EIF4G3: variants seen among roughly 807,000 people sequenced by gnomAD.
EIF4G3 encodes eukaryotic translation initiation factor 4 gamma 3.
EIF4G3 carries 34 observed loss-of-function variants against 186.4 expected under a neutral mutation model. The ratio of observed to expected loss-of-function variants is 0.18; its 90% CI spans 0.14 to 0.24. EIF4G3 has a LOEUF of 0.24. EIF4G3 is among the 10% of genes least tolerant of loss of function. The pLI is 1.00. For missense variants in EIF4G3, 1,536 were observed against 1,948.5 expected (o/e 0.79, Z 3.99); for synonymous variants, 673 against 679.5 (o/e 0.99, Z 0.15).
chr1:21,163,528 T>C (rs1382070203), intron 2 of EIF4G3, among the ~76,000 whole-genome samples: 1 of 152,172 alleles, frequency 6.6e-6, no homozygotes, highest in Admixed American at 6.5e-5. Flanking sequence ...ACATGCATAA[T>C]AATTTAAAAC....
intron 4 of EIF4G3, among the ~76,000 whole-genome samples, chr1:21,023,912 C>T (rs1324958354): frequency 1.5e-5 from 2 of 135,472 alleles, no homozygotes; most frequent in African/African-American, 5.2e-5. Flanking sequence ...GCCCCGCCGC[C>T]CCATCTGGGA....
chr1:20,903,096 G>C (rs2090940564), intron 15 of EIF4G3, among the ~76,000 whole-genome samples: 1 of 152,228 alleles, frequency 6.6e-6, no homozygotes, highest in African/African-American at 2.4e-5. Context: ...AGCATACAAG[G>C]TAAGGATGAT....
chr1:20,906,145 G>A (rs1227397894), intron 14 of EIF4G3, among the ~76,000 whole-genome samples: 1 of 152,048 alleles, frequency 6.6e-6, no homozygotes, highest in Non-Finnish European at 1.5e-5. Flanking sequence ...GAACCATTAA[G>A]GAAACACTAA....
intron 13 of EIF4G3, among the ~76,000 whole-genome samples, chr1:20,945,439 T>C (rs912140337): frequency 1.4e-4 from 21 of 152,168 alleles, no homozygotes; most frequent in African/African-American, 3.9e-4. Context: ...TATTTAATGA[T>C]ATGGAAAGTT....
rs538204811 is a variant in EIF4G3 at position 21,003,176 on chromosome 1, T to C, written c.-66-368A>G. 5.2e-3 allele frequency among the ~76,000 whole-genome samples: 771 copies of C among 149,582 alleles called. 7 individuals are homozygous for C. The highest frequency in any genetic ancestry group is 0.018 in the African/African-American group (734 of 40,560). ...TGTGCCGGACTAATTTTTTTCTTTT[T>C]TTTTTTTTTTTTTCAGAGACAGGGT... On this transcript the variant is annotated intron_variant, in intron 4 of 36. Coordinates refer to ENST00000602326, the MANE Select transcript of EIF4G3 (RefSeq NM_001391906.1).
intron 2 of EIF4G3, among the ~76,000 whole-genome samples, chr1:21,167,387 T>C (rs2097873747): frequency 6.6e-6 from 1 of 152,132 alleles, no homozygotes; most frequent in Non-Finnish European, 1.5e-5. Flanking sequence ...ACCAACTAAA[T>C]GCCAGACGCG....
intron 10 of EIF4G3, among the ~76,000 whole-genome samples, chr1:20,977,868 A>G (rs1430566808): frequency 6.6e-6 from 1 of 152,194 alleles, no homozygotes; most frequent in Non-Finnish European, 1.5e-5. Context: ...ATTAAAAGCA[A>G]TAAAGAGGGC....
chr1:20,827,652 G>T lies in EIF4G3; in HGVS notation c.4234C>A (p.Leu1412Ile). ...CATAGTAGGTGCAATATTTCAGATA[G>T]CAAGACCCCAGCTCTTCCAACAGGA... The part of the protein sequence containing the change: ...LLPVGRAGVL[L>I]SEILHLLCKQ... Residue 1412 changes from leucine to isoleucine, a missense_variant, in exon 32 of 37, where the codon CTA becomes ATA. Physicochemically the swap from Leu to Ile is conservative, Grantham distance 5. Coordinates refer to ENST00000602326, the MANE Select transcript of EIF4G3 (RefSeq NM_001391906.1). 2 of 1,612,470 alleles carry T rather than the reference G, an allele frequency of 1.2e-6. No individual in the cohort carries two copies. Among genetic ancestry groups the T allele is most frequent in the Non-Finnish European group, 1.7e-6 (2 of 1,178,840 alleles).
At chr1:20,807,583 T>A in intron 36 of EIF4G3, 83 bp from the exon 37 acceptor site, 1 of 1,206,582 alleles carries the variant, frequency 8.3e-7, no homozygotes, top group Non-Finnish European at 1.1e-6. Context: ...AATGAATGAC[T>A]GAATAAATGT....
chr1:21,154,534 C>G (rs1341540042), intron 2 of EIF4G3, among the ~76,000 whole-genome samples: 1 of 152,142 alleles, frequency 6.6e-6, no homozygotes, highest in Non-Finnish European at 1.5e-5. Context: ...TCATAAGTAG[C>G]CTCCGCTCCA....
chr1:20,828,108 C>T (rs975979645), intron 31 of EIF4G3, among the ~76,000 whole-genome samples: 2 of 147,974 alleles, frequency 1.4e-5, no homozygotes, highest in African/African-American at 5.0e-5. Context: ...TCTTGGCTCA[C>T]TGCAATCTCC....
intron 35 of EIF4G3, among the ~76,000 whole-genome samples, chr1:20,812,504 T>C (rs767604375): frequency 6.6e-6 from 1 of 152,216 alleles, no homozygotes; most frequent in Non-Finnish European, 1.5e-5. Context: ...GACTTGAAAT[T>C]CTGAGACACC....
At chr1:21,073,765 T>C in intron 3 of EIF4G3, 1 of 427,708 alleles carries the variant, frequency 2.3e-6, no homozygotes. Flanking sequence ...TGTCACATGC[T>C]GGATCATTCT....
At chr1:20,915,238 T>C (rs1186968279) in intron 14 of EIF4G3, among the ~76,000 whole-genome samples, 1 of 152,194 alleles carries the variant, frequency 6.6e-6, no homozygotes, top group African/African-American at 2.4e-5. Flanking sequence ...TGGAAGAATC[T>C]ATTTCCTTGT....
chr1:21,061,833 C>T (rs993342094), intron 3 of EIF4G3, among the ~76,000 whole-genome samples: 1 of 150,124 alleles, frequency 6.7e-6, no homozygotes, highest in East Asian at 2.0e-4. Flanking sequence ...CTGTAACCTT[C>T]ACCTCCTGGT....
intron 3 of EIF4G3, among the ~76,000 whole-genome samples, chr1:21,087,844 A>G (rs1031225927): frequency 1.3e-5 from 2 of 151,908 alleles, no homozygotes; most frequent in Non-Finnish European, 2.9e-5. Context: ...TGTGTTAGCC[A>G]GGATGGTCTC....
chr1:21,078,375 C>A (rs764522701), intron 3 of EIF4G3, among the ~76,000 whole-genome samples: 8 of 151,932 alleles, frequency 5.3e-5, no homozygotes, highest in Non-Finnish European at 1.0e-4. Context: ...CATGTCTTTA[C>A]TCCTATGTGG....
chr1:21,032,460 AATAG>A (rs2092825317), intron 4 of EIF4G3, among the ~76,000 whole-genome samples: 1 of 152,168 alleles, frequency 6.6e-6, no homozygotes, highest in Admixed American at 6.5e-5. Context: ...GCCAAATATT[AATAG>A]ATAGTGCATC....
intron 3 of EIF4G3, among the ~76,000 whole-genome samples, chr1:21,052,904 G>T (rs1294096457): frequency 6.6e-6 from 1 of 152,256 alleles, no homozygotes. Flanking sequence ...CCAGGCTGGA[G>T]TGCAGTGGCG....
Sources: allele counts gnomAD v4.1 joint callset (sites outside exome capture counted in the v4.1 genomes callset), GRCh38; gene constraint gnomAD v4.1.1; transcripts MANE v1.5; gene names NCBI Gene and HGNC (gene_info 2026-07-23, HGNC 2026-07-21).